UNC13C: variants seen among roughly 807,000 people sequenced by gnomAD.
The protein encoded by UNC13C is unc-13 homolog C, also known as protein unc-13 homolog C.
In UNC13C, 174 loss-of-function variants were observed where a neutral mutation model predicts 245.4. The observed-to-expected ratio is 0.71, with a 90% CI of 0.63 to 0.80. The LOEUF (loss-of-function observed/expected upper bound fraction) is 0.80. Among genes scored for constraint, UNC13C ranks in the 30% least tolerant of loss-of-function variants. The pLI is 0.00. For synonymous variants in UNC13C, 992 were observed against 895.1 expected (o/e 1.11, Z -1.93); for missense variants, 2,829 against 2,602.9 (o/e 1.09, Z -1.89).
intron 19 of UNC13C, among the ~76,000 whole-genome samples, chr15:54,461,532 T>A (rs1409792017): frequency 6.6e-6 from 1 of 152,236 alleles, no homozygotes; most frequent in Non-Finnish European, 1.5e-5. Context: ...TTAATCTCCA[T>A]GGTCTTCATT....
chr15:54,154,325 A>G (rs12916905), intron 4 of UNC13C, among the ~76,000 whole-genome samples: 1 of 151,934 alleles, frequency 6.6e-6, no homozygotes, highest in South Asian at 2.1e-4. Context: ...CAATCCATGA[A>G]TATGGACTTA....
chr15:54,412,686 T>G (rs1240814760), intron 18 of UNC13C, among the ~76,000 whole-genome samples: 1 of 152,248 alleles, frequency 6.6e-6, no homozygotes, highest in Non-Finnish European at 1.5e-5. Flanking sequence ...ACATTTTCTA[T>G]GCAGACAATT....
intron 19 of UNC13C, among the ~76,000 whole-genome samples, chr15:54,423,188 T>C (rs1472067036): frequency 1.3e-5 from 2 of 151,718 alleles, no homozygotes; most frequent in African/African-American, 2.4e-5. Context: ...ACCCTCTAAA[T>C]TGATGTTATG....
At chr15:53,886,452 A>G in the UNC13C span, among the ~76,000 whole-genome samples, 2 of 152,206 alleles carry the variant, frequency 1.3e-5, no homozygotes, top group Non-Finnish European at 2.9e-5. Flanking sequence ...GAAGTAAAGT[A>G]GTATTGGACC....
chr15:53,957,371 G>T, the UNC13C span, among the ~76,000 whole-genome samples: 2 of 152,292 alleles, frequency 1.3e-5, no homozygotes, highest in East Asian at 3.9e-4. Flanking sequence ...GGCCTCAAGT[G>T]ATCTGCCCAC....
chr15:54,304,414 A>G (rs1444438449), intron 13 of UNC13C, among the ~76,000 whole-genome samples: 1 of 152,078 alleles, frequency 6.6e-6, no homozygotes, highest in Non-Finnish European at 1.5e-5. Context: ...ATATTTTTAT[A>G]TATCACATGT....
rs7174455 is a variant in UNC13C at position 54,079,563 on chromosome 15, G to T, written c.2984-63455G>T. Among the ~76,000 whole-genome samples, 843 of 151,708 alleles carry T rather than the reference G, an allele frequency of 5.6e-3. 8 individuals carry two copies. The highest frequency in any genetic ancestry group is 0.019 in the African/African-American group (801 of 41,412). On this transcript the variant is annotated intron_variant, in intron 2 of 32. Coordinates refer to ENST00000260323, the MANE Select transcript of UNC13C (RefSeq NM_001080534.3). ...GTATTCCTGGGTATTTTATTTTTTT[G>T]TGTGTGGCTATTATAAATGGGATTG...
chr15:54,294,068 ATTT>A lies in UNC13C; in HGVS notation c.3988+13_3988+15del. 1 of 1,226,404 alleles carries A rather than the reference ATTT, an allele frequency of 8.2e-7. No homozygotes were observed. The highest frequency in any genetic ancestry group is 1.1e-6 in the Non-Finnish European group (1 of 914,676). 76.0% of individuals were successfully genotyped at this position (1,226,404 alleles called of 1,614,324 possible). On this transcript the variant is annotated splice_donor_5th_base_variant and intron_variant, in intron 11 of 32. Coordinates refer to ENST00000260323, the MANE Select transcript of UNC13C (RefSeq NM_001080534.3). ...ATGGATGTCTGGTACAACTTAGGTG[ATTT>A]TTTTTTTTATCTACTTGAAAACGAG... is the stretch of plus-strand genomic sequence containing the variant.
At chr15:53,877,610 A>T in the UNC13C span, among the ~76,000 whole-genome samples, 1 of 151,978 alleles carries the variant, frequency 6.6e-6, no homozygotes, top group Non-Finnish European at 1.5e-5. Context: ...GAGGAGGAGG[A>T]GGGGTGAAGG....
At position 54,539,165 on chromosome 15, in the gene UNC13C, A is replaced by G. The variant is rs371576493; in HGVS notation, c.5696+6099A>G. 2.6e-4 allele frequency among the ~76,000 whole-genome samples: 40 copies of G among 152,204 alleles called. 2 individuals are homozygous for G. In the South Asian group the frequency reaches 8.1e-3, roughly 31 times the overall value. Reference sequence around the variant, plus strand: ...CATAGGAAAATATCTTCTGTATACTATGACTTCTGTTTTAATTCCATTTAC... The same window carrying G: ...CATAGGAAAATATCTTCTGTATACTGTGACTTCTGTTTTAATTCCATTTAC... On this transcript the variant is annotated intron_variant, in intron 26 of 32. Coordinates refer to ENST00000260323, the MANE Select transcript of UNC13C (RefSeq NM_001080534.3).
At chr15:54,251,583 C>T (rs2036153979) in intron 8 of UNC13C, among the ~76,000 whole-genome samples, 1 of 152,176 alleles carries the variant, frequency 6.6e-6, no homozygotes, top group Non-Finnish European at 1.5e-5. Flanking sequence ...AATGCTAATG[C>T]ATCACATTGT....
chr15:54,544,523 G>A (rs1376994103), intron 26 of UNC13C, among the ~76,000 whole-genome samples: 1 of 152,176 alleles, frequency 6.6e-6, no homozygotes, highest in African/African-American at 2.4e-5. Context: ...GTTTGCAGAT[G>A]ACATGATTGT....
intron 2 of UNC13C, among the ~76,000 whole-genome samples, chr15:54,131,896 A>G (rs1335373401): frequency 6.6e-6 from 1 of 152,048 alleles, no homozygotes; most frequent in Non-Finnish European, 1.5e-5. Flanking sequence ...CTCTGCCAGG[A>G]ATACCTTCAC....
intron 2 of UNC13C, among the ~76,000 whole-genome samples, chr15:54,100,544 C>T (rs1416551929): frequency 6.6e-6 from 1 of 152,124 alleles, no homozygotes; most frequent in East Asian, 1.9e-4. Context: ...TGATTCCATT[C>T]AGCCTTATAC....
At chr15:54,261,345 A>C (rs1373044363) in intron 8 of UNC13C, among the ~76,000 whole-genome samples, 1 of 152,222 alleles carries the variant, frequency 6.6e-6, no homozygotes, top group African/African-American at 2.4e-5. Context: ...TAACTATTTA[A>C]GAAAGAGTTT....
In UNC13C at chr15:54,627,409, A is replaced by AGTCT. The variant is rs1901254057; in HGVS notation, c.*297_*300dup. On this transcript the variant is annotated 3_prime_UTR_variant, in exon 33 of 33. Coordinates refer to ENST00000260323, the MANE Select transcript of UNC13C (RefSeq NM_001080534.3). ...TCATTAAACATAATTTTTAAAAACT[A>AGTCT]GTCTTTTGAGTTTGCCCATCAGTTG... The AGTCT allele has an allele frequency of 4.6e-6, 1 of 215,692 alleles. No homozygotes were observed. The allele number at this position is 215,692 out of a possible 1,614,324, so 13.4% of individuals were successfully genotyped here.
intron 19 of UNC13C, among the ~76,000 whole-genome samples, chr15:54,433,901 G>A (rs1239764390): frequency 5.9e-5 from 9 of 151,824 alleles, no homozygotes; most frequent in African/African-American, 4.8e-5. Flanking sequence ...ATACAAAATC[G>A]ATGTGCAAAA....
At chr15:53,948,300 G>T in the UNC13C span, 1 of 152,166 alleles carries the variant, frequency 6.6e-6, no homozygotes, top group African/African-American at 2.4e-5. Context: ...TCAGAAGAAA[G>T]TACTCTGTTG....
At chr15:54,193,386 C>T (rs974223698) in intron 4 of UNC13C, among the ~76,000 whole-genome samples, 1 of 152,148 alleles carries the variant, frequency 6.6e-6, no homozygotes, top group Middle Eastern at 3.2e-3. Flanking sequence ...TATGTCTTGA[C>T]ATCTCCTCAT....
Sources: gnomAD v4.1 joint callset for allele counts (sites outside exome capture counted in the v4.1 genomes callset) on GRCh38, gnomAD v4.1.1 for gene constraint, MANE v1.5 for transcripts, NCBI Gene and HGNC (gene_info 2026-07-23, HGNC 2026-07-21) for gene names.